Variants in PCDHGA1 observed in about 807,000 individuals in gnomAD.
The protein encoded by PCDHGA1 is protocadherin gamma subfamily A, 1, also known as protocadherin gamma-A1.
In PCDHGA1, 32 loss-of-function variants were observed where a neutral mutation model predicts 58.0. That is an observed-to-expected ratio of 0.55 (90% CI 0.42 to 0.74). The LOEUF is 0.74. PCDHGA1 is among the 30% of genes least tolerant of loss of function. The pLI is 0.00. For synonymous variants in PCDHGA1, 498 were observed against 501.1 expected, an observed-to-expected ratio of 0.99 and a Z score of 0.08; for missense variants, 1,205 against 1,182.3, an observed-to-expected ratio of 1.02 and a Z score of -0.28.
chr5:141,372,826 C>T lies in PCDHGA1; in HGVS notation c.2421+39721C>T, dbSNP rs376912168. 327 of 1,554,742 alleles carry T rather than the reference C, an allele frequency of 2.1e-4. 8 individuals are homozygous for T. The South Asian group carries it at 3.7e-3, about 18-fold the overall frequency. ...TTGCAAAAGGTGAGTTTCTTCAAAC[C>T]TTTCCTTCCATAAATATAATTGGGT... is the stretch of plus-strand genomic sequence containing the variant. On this transcript the variant is annotated intron_variant, in intron 1 of 3. Coordinates refer to ENST00000517417, the MANE Select transcript of PCDHGA1 (RefSeq NM_018912.3).
intron 1 of PCDHGA1, chr5:141,372,113 G>T (rs1466708600): frequency 1.9e-6 from 3 of 1,613,786 alleles, no homozygotes; most frequent in Non-Finnish European, 2.5e-6. Flanking sequence ...AAGGCTCTGC[G>T]CTCTTCGATA....
chr5:141,414,087 A>G (rs377653676), intron 1 of PCDHGA1: 31 of 1,599,656 alleles, frequency 1.9e-5, no homozygotes, highest in Middle Eastern at 3.3e-4. Context: ...ATACTGGAGA[A>G]ATAAAAATAT....
Position 141,476,447 on chromosome 5 carries a change from G to A in PCDHGA1, c.2422-18360G>A. 2 of 1,614,130 alleles carry A rather than the reference G, an allele frequency of 1.2e-6. No homozygotes were observed. The highest frequency in any genetic ancestry group is 1.7e-6 in the Non-Finnish European group (2 of 1,180,026). On this transcript the variant is annotated intron_variant, in intron 1 of 3. Transcript: ENST00000517417. This position sits in a 1 kb window ranked among gnomAD's most constrained non-coding sequence, Gnocchi z 7.6. ...CTCTTGCACTGTAACTCTGGAGTTGGTAGTGGAGAACCCGCTGGAGCTGTT... is the reference window on the plus strand; with the variant it reads ...CTCTTGCACTGTAACTCTGGAGTTGATAGTGGAGAACCCGCTGGAGCTGTT...
Position 141,331,287 on chromosome 5 carries a change from CA to C in PCDHGA1, c.604del (p.Arg202GlufsTer48). On this transcript the variant is annotated frameshift_variant, in exon 1 of 4. Coordinates refer to ENST00000517417, the MANE Select transcript of PCDHGA1 (RefSeq NM_018912.3). LOFTEE classifies it high-confidence loss of function. ...AGATGGTGCTGCAGAGTCCCTTAGA[CA>C]GAGAAGAAGAAGCTGTCCACCACCT... ...PEMVLQSPLD[R>X]EEEAVHHLIL... is the part of the protein sequence containing the mutation. The C allele has an allele frequency of 6.2e-7, 1 of 1,614,044 alleles. No homozygotes were observed. The highest frequency in any genetic ancestry group is 8.5e-7 in the Non-Finnish European group (1 of 1,180,006).
At chr5:141,405,448 C>G in intron 1 of PCDHGA1, 1 of 1,314,742 alleles carries the variant, frequency 7.6e-7, no homozygotes, top group Non-Finnish European at 1.1e-6. Context: ...GAGACAGAGT[C>G]TTACTCTGTT....
intron 1 of PCDHGA1, chr5:141,423,380 G>A: frequency 6.2e-7 from 1 of 1,614,178 alleles, no homozygotes; most frequent in Non-Finnish European, 8.5e-7. Context: ...CTCAGGCTGT[G>A]GCGCTGGCAT....
chr5:141,346,494 T>C (rs1199386487), intron 1 of PCDHGA1: 3 of 1,612,084 alleles, frequency 1.9e-6, no homozygotes. Flanking sequence ...TAAGAACAAA[T>C]ATGAGAATGT....
chr5:141,430,754 A>G (rs778266116), intron 1 of PCDHGA1: 26 of 1,503,884 alleles, frequency 1.7e-5, no homozygotes, highest in East Asian at 4.6e-5. Flanking sequence ...CTGGAGGAAG[A>G]TAAGAATGAT....
At chr5:141,507,239 G>C (rs2099859378) in intron 3 of PCDHGA1, 1 of 152,310 alleles carries the variant, frequency 6.6e-6, no homozygotes, top group Non-Finnish European at 1.5e-5. Context: ...CCCAGTTACA[G>C]TTGAATGTCA....
At chr5:141,347,019 C>T (rs554242895) in intron 1 of PCDHGA1, among the ~76,000 whole-genome samples, 1 of 151,800 alleles carries the variant, frequency 6.6e-6, no homozygotes, top group African/African-American at 2.4e-5. Context: ...CTTCCTCTCT[C>T]TTTCCTCCTT....
intron 2 of PCDHGA1, among the ~76,000 whole-genome samples, chr5:141,499,022 A>C (rs1244590420): frequency 2.7e-5 from 4 of 150,722 alleles, no homozygotes; most frequent in Admixed American, 2.0e-4. Context: ...GGAAGGAAGG[A>C]AGGAAGAAAA....
chr5:141,392,628 A>T (rs2092566593), intron 1 of PCDHGA1: 1 of 588,334 alleles, frequency 1.7e-6, no homozygotes, highest in South Asian at 2.7e-5. Context: ...AAACACTCAG[A>T]TCTCACACCT....
At chr5:141,371,175 G>C (rs753971437) in intron 1 of PCDHGA1, 2 of 1,613,886 alleles carry the variant, frequency 1.2e-6, no homozygotes, top group African/African-American at 2.7e-5. Context: ...TGGCTCCTCC[G>C]TATTAAAAGT....
At chr5:141,393,222 G>T (rs950133126) in intron 1 of PCDHGA1, 2 of 1,613,670 alleles carry the variant, frequency 1.2e-6, no homozygotes, top group East Asian at 2.2e-5. Flanking sequence ...CCAGGTCGAA[G>T]ATCTAGAAGT....
chr5:141,344,877 G>C (rs768877303), intron 1 of PCDHGA1: 24 of 1,613,902 alleles, frequency 1.5e-5, no homozygotes, highest in Non-Finnish European at 1.9e-5. Flanking sequence ...TTATATTCTA[G>C]ATAAAATGCC....
At position 141,371,310 on chromosome 5, in the gene PCDHGA1, G is replaced by C. The variant is rs371403587; in HGVS notation, c.2421+38205G>C. ...AACGGGGGAACTCACCACTATTGGA[G>C]AACTGGACTTTGAAGAGAGAGATAG... On this transcript the variant is annotated intron_variant, in intron 1 of 3. Coordinates refer to ENST00000517417, the MANE Select transcript of PCDHGA1 (RefSeq NM_018912.3). 3.1e-6 allele frequency: 5 copies of C among 1,613,874 alleles called. No individual in the cohort carries two copies. Among genetic ancestry groups the C allele is most frequent in the Non-Finnish European group, 4.2e-6 (5 of 1,179,886 alleles).
chr5:141,476,744 C>A lies in PCDHGA1; in HGVS notation c.2422-18063C>A, dbSNP rs1168392300. ...CCTGGACCGAGAACGGGAGCCTAGT[C>A]TCCAGTTAGTGCTGACGGCGTTGGA... On this transcript the variant is annotated intron_variant, in intron 1 of 3. Coordinates refer to ENST00000517417, the MANE Select transcript of PCDHGA1 (RefSeq NM_018912.3). The surrounding 1 kb of genome is among the most constrained non-coding windows in gnomAD (Gnocchi z 7.6). 1.2e-6 allele frequency: 2 copies of A among 1,614,046 alleles called. No individual in the cohort carries two copies. Among genetic ancestry groups the A allele is most frequent in the Admixed American group, 3.3e-5 (2 of 60,034 alleles).
At chr5:141,352,630 A>G in intron 1 of PCDHGA1, 3 of 1,611,280 alleles carry the variant, frequency 1.9e-6, no homozygotes, top group Non-Finnish European at 2.5e-6. Context: ...CCAGTAATGA[A>G]GATCACAAAA....
At chr5:141,453,969 A>T (rs543979166) in intron 1 of PCDHGA1, among the ~76,000 whole-genome samples, 13 of 152,356 alleles carry the variant, frequency 8.5e-5, no homozygotes, top group South Asian at 2.1e-4. Flanking sequence ...CAAAGCATGT[A>T]GTTGTGTTGC....
Sources: gnomAD v4.1 joint callset for allele counts (sites outside exome capture counted in the v4.1 genomes callset) on GRCh38, gnomAD v4.1.1 for gene constraint, Gnocchi (gnomAD v3.1) non-coding constraint, MANE v1.5 for transcripts, NCBI Gene and HGNC (gene_info 2026-07-23, HGNC 2026-07-21) for gene names.